Variants in RAD23B observed in about 807,000 individuals in gnomAD.
The protein encoded by RAD23B is lysine-specific demethylase RAD23B.
RAD23B carries 5 observed loss-of-function variants against 49.1 expected under a neutral mutation model. The observed-to-expected ratio is 0.10, with a 90% CI of 0.05 to 0.21. The LOEUF (loss-of-function observed/expected upper bound fraction) is 0.21, where lower values mean the gene tolerates loss of function less well. Ranked by LOEUF, RAD23B falls within the 10% of genes least tolerant of loss-of-function variation. RAD23B has a pLI of 1.00. For synonymous variants in RAD23B, 184 were observed against 165.4 expected (o/e 1.11, Z -0.86); for missense variants, 356 against 486.7 (o/e 0.73, Z 2.53).
At chr9:107,286,095 C>T (rs1361394843) in intron 1 of RAD23B, among the ~76,000 whole-genome samples, 1 of 152,098 alleles carries the variant, frequency 6.6e-6, no homozygotes, top group Admixed American at 6.5e-5. Context: ...TTGGTCTGGT[C>T]ACAGATTTGT....
chr9:107,292,476 C>G (rs1338330897), intron 1 of RAD23B, among the ~76,000 whole-genome samples: 1 of 151,952 alleles, frequency 6.6e-6, no homozygotes, highest in Non-Finnish European at 1.5e-5. Context: ...GTCAGGAGTT[C>G]GAGACCCTCC....
rs1352039452 is a variant in RAD23B at position 107,325,018 on chromosome 9, A to C, written c.1116+14A>C. On this transcript the variant is annotated intron_variant, in intron 9 of 9. Transcript: ENST00000358015. ...GCTATAGAAAGGGTGAGTTTAAGTA[A>C]AACTTTAAAAAAATTAGTTCTTGGC... 6.8e-6 allele frequency: 11 copies of C among 1,607,942 alleles called. No homozygotes were observed. The highest frequency in any genetic ancestry group is 8.5e-6 in the Non-Finnish European group (10 of 1,176,168).
chr9:107,316,821 T>TAAA (rs1255194090), intron 5 of RAD23B, among the ~76,000 whole-genome samples: 1 of 138,216 alleles, frequency 7.2e-6, no homozygotes, highest in Non-Finnish European at 1.6e-5. Flanking sequence ...AATGAAACAT[T>TAAA]AAAAAAAAAA....
chr9:107,319,815 C>A (rs1054332176), intron 6 of RAD23B, among the ~76,000 whole-genome samples: 6 of 152,076 alleles, frequency 3.9e-5, no homozygotes, highest in Non-Finnish European at 8.8e-5. Context: ...TCAACTGAAA[C>A]CCTTGGTATT....
chr9:107,324,363 G>T (rs1827162351), intron 8 of RAD23B, among the ~76,000 whole-genome samples: 1 of 152,140 alleles, frequency 6.6e-6, no homozygotes, highest in African/African-American at 2.4e-5. Context: ...TTATTACTCA[G>T]TTCCTTTTTC....
chr9:107,300,053 A>G, intron 1 of RAD23B, 88 bp from the exon 2 acceptor site: 1 of 1,456,792 alleles, frequency 6.9e-7, no homozygotes, highest in Non-Finnish European at 9.2e-7. Context: ...TTATGTATAT[A>G]ATTTTTGTCT....
In RAD23B at chr9:107,319,096, C is replaced by T. The variant is rs955429171; in HGVS notation, c.681+217C>T. Among the ~76,000 whole-genome samples, 12 of 146,376 alleles carry T rather than the reference C, an allele frequency of 8.2e-5. No homozygotes were observed. The East Asian group carries it at 2.2e-3, about 26-fold the overall frequency. ...TAGTAGCTTTTTAGGTGCCACTATG[C>T]GTGAATTATTCAGAACAAAAATTTC... On this transcript the variant is annotated intron_variant, in intron 6 of 9. Coordinates refer to ENST00000358015, the MANE Select transcript of RAD23B (RefSeq NM_002874.5).
At chr9:107,293,898 G>A (rs767059702) in intron 1 of RAD23B, among the ~76,000 whole-genome samples, 3 of 152,080 alleles carry the variant, frequency 2.0e-5, no homozygotes, top group South Asian at 2.1e-4. Context: ...ATCCTTTCAC[G>A]TCAGCCTCCT....
rs1281764862 is a variant in RAD23B, at chr9:107,311,753, T to C, written c.553+16T>C. 3 of 1,552,954 alleles carry C rather than the reference T, an allele frequency of 1.9e-6. No homozygotes were observed. The South Asian group carries it at 3.7e-5, about 19-fold the overall frequency. On this transcript the variant is annotated intron_variant, in intron 5 of 9. Transcript: ENST00000358015. ...AGTGCACTTGGTAAGTATCTGCTTT[T>C]CCTTATAAATAACCTATAAAGAGAT... is the stretch of plus-strand genomic sequence containing the variant.
chr9:107,324,834 C>A lies in RAD23B; in HGVS notation c.946C>A (p.Gln316Lys). Reference protein sequence around the residue: ...IGRENPQLLQQISQHQEHFIQ... With the variant: ...IGRENPQLLQKISQHQEHFIQ... ...TTCTCTGTCCTTCATATCACCACAG[C>A]AAATTAGCCAACACCAGGAGCATTT... is the stretch of plus-strand genomic sequence containing the variant. The change falls in exon 9 of 10, where the codon CAA (glutamine) becomes AAA (lysine). Residue 316 changes from glutamine to lysine, a missense_variant and splice_region_variant. Physicochemically the swap from Gln to Lys is moderately conservative, Grantham distance 53. Transcript: ENST00000358015. 1 of 1,600,646 alleles carries A rather than the reference C, an allele frequency of 6.2e-7. No individual in the cohort carries two copies. Among genetic ancestry groups the A allele is most frequent in the Non-Finnish European group, 8.5e-7 (1 of 1,174,938 alleles).
At chr9:107,310,621 A>G (rs1826871288) in intron 4 of RAD23B, among the ~76,000 whole-genome samples, 1 of 152,324 alleles carries the variant, frequency 6.6e-6, no homozygotes, top group Admixed American at 6.5e-5. Flanking sequence ...GTTTTTATGT[A>G]TTGTGCGTTT....
intron 1 of RAD23B, among the ~76,000 whole-genome samples, chr9:107,294,867 A>G (rs1826466829): frequency 6.6e-6 from 1 of 152,088 alleles, no homozygotes; most frequent in African/African-American, 2.4e-5. Context: ...CTGGCCAGGG[A>G]GGAGGATTTC....
Position 107,331,824 on chromosome 9 carries a change from AC to A in RAD23B, c.*2169del, listed in dbSNP as rs1564255983. ...TCAGGCCAAGTTTTGATCGTTCCATACAGTACCTTGTTTATCTGCTTCTTAA... is the reference window on the plus strand; with the variant it reads ...TCAGGCCAAGTTTTGATCGTTCCATAAGTACCTTGTTTATCTGCTTCTTAA... On this transcript the variant is annotated 3_prime_UTR_variant, in exon 10 of 10. Transcript: ENST00000358015. 4 of 692,314 alleles carry A rather than the reference AC, an allele frequency of 5.8e-6. No homozygotes were observed. Among genetic ancestry groups the A allele is most frequent in the Non-Finnish European group, 1.1e-5 (4 of 378,476 alleles). 42.9% of individuals were successfully genotyped at this position (692,314 alleles called of 1,614,324 possible).
chr9:107,320,995 T>C (rs1827099448), intron 6 of RAD23B, among the ~76,000 whole-genome samples: 1 of 152,210 alleles, frequency 6.6e-6, no homozygotes, highest in African/African-American at 2.4e-5. Flanking sequence ...CTTTATTCTC[T>C]TCAAAATCTA....
At chr9:107,298,740 T>G (rs561520353) in intron 1 of RAD23B, among the ~76,000 whole-genome samples, 1 of 151,876 alleles carries the variant, frequency 6.6e-6, no homozygotes, top group East Asian at 1.9e-4. Context: ...TATACTTACT[T>G]TTTTTGCAAA....
intron 1 of RAD23B, among the ~76,000 whole-genome samples, chr9:107,295,638 T>C (rs1048700043): frequency 6.6e-6 from 1 of 152,186 alleles, no homozygotes; most frequent in Non-Finnish European, 1.5e-5. Flanking sequence ...ATTTGAGATA[T>C]TCTTTTGGAG....
rs1826774118 is a variant in RAD23B at position 107,306,435 on chromosome 9, CACTACAGCAGTT to C, written c.289_300del (p.Thr97_Thr100del). 6.2e-7 allele frequency: 1 copy of C among 1,614,070 alleles called. No homozygotes were observed. On this transcript the variant is annotated inframe_deletion, in exon 4 of 10. Coordinates refer to ENST00000358015, the MANE Select transcript of RAD23B (RefSeq NM_002874.5). ...CAACTCAGCAGTCAGCTCCTGCCAG[CACTACAGCAGTT>C]ACTTCCTCCACCACCACAACTGTGG... is the stretch of plus-strand genomic sequence containing the variant.
intron 1 of RAD23B, among the ~76,000 whole-genome samples, chr9:107,298,417 T>C (rs959446173): frequency 5.3e-5 from 8 of 151,516 alleles, no homozygotes; most frequent in Non-Finnish European, 1.2e-4. Flanking sequence ...AAATGATTCT[T>C]GTACCTCGTC....
At chr9:107,286,848 G>A (rs1833280195) in intron 1 of RAD23B, among the ~76,000 whole-genome samples, 2 of 152,014 alleles carry the variant, frequency 1.3e-5, no homozygotes, top group Non-Finnish European at 2.9e-5. Flanking sequence ...CGAGGTGGGC[G>A]GATCACAAGG....
Sources: allele counts gnomAD v4.1 joint callset (sites outside exome capture counted in the v4.1 genomes callset), GRCh38; gene constraint gnomAD v4.1.1; transcripts MANE v1.5; gene names NCBI Gene and HGNC (gene_info 2026-07-23, HGNC 2026-07-21).